MAGI2: variants seen among roughly 807,000 people sequenced by gnomAD.
MAGI2 encodes the protein membrane associated guanylate kinase, WW and PDZ domain containing 2.
Under a neutral mutation model 133.3 loss-of-function variants are expected in MAGI2, and 35 were observed. The observed-to-expected ratio is 0.26, with a 90% CI of 0.20 to 0.35. The LOEUF is 0.35. MAGI2 is among the 10% of genes least tolerant of loss of function. The pLI is 1.00. For synonymous variants in MAGI2, 729 were observed against 710.6 expected, an observed-to-expected ratio of 1.03 and a Z score of -0.41; for missense variants, 1,636 against 1,863.4, an observed-to-expected ratio of 0.88 and a Z score of 2.25.
intron 3 of MAGI2, chr7:78,615,006 T>C (rs1414379611): frequency 1.3e-5 from 2 of 152,202 alleles, no homozygotes; most frequent in Admixed American, 1.3e-4. Context: ...TGATAAGCAC[T>C]TCCACTGTAA....
intron 1 of MAGI2, among the ~76,000 whole-genome samples, chr7:79,165,561 A>C (rs1261893397): frequency 6.6e-6 from 1 of 152,108 alleles, no homozygotes; most frequent in Non-Finnish European, 1.5e-5. Flanking sequence ...ATAGATAAAA[A>C]AGAAAAATCA....
chr7:78,076,568 C>T lies in MAGI2; in HGVS notation c.3706+2379G>A, dbSNP rs1211863799. ...ATGTTAAGAATTAATGAAATAAGGC[C>T]GGGCGCGGTGGCTCACGCCTGTAAT... On this transcript the variant is annotated intron_variant, in intron 21 of 21. Coordinates refer to ENST00000354212, the MANE Select transcript of MAGI2 (RefSeq NM_012301.4). 5.3e-5 allele frequency among the ~76,000 whole-genome samples: 8 copies of T among 150,856 alleles called. No homozygotes were observed. The South Asian group carries it at 1.3e-3, about 24-fold the overall frequency.
intron 1 of MAGI2, among the ~76,000 whole-genome samples, chr7:79,247,189 T>C (rs1449438604): frequency 6.6e-6 from 1 of 152,026 alleles, no homozygotes; most frequent in Non-Finnish European, 1.5e-5. Context: ...TAATGAGCAA[T>C]AAGAAATCAT....
intron 2 of MAGI2, among the ~76,000 whole-genome samples, chr7:78,999,477 ACT>A (rs1208473264): frequency 3.3e-5 from 5 of 152,212 alleles, no homozygotes; most frequent in Non-Finnish European, 7.3e-5. Context: ...AATGAATGTT[ACT>A]CTGTGACCAG....
intron 2 of MAGI2, among the ~76,000 whole-genome samples, chr7:78,824,679 G>A (rs575780901): frequency 6.6e-6 from 1 of 151,994 alleles, no homozygotes; most frequent in East Asian, 1.9e-4. Flanking sequence ...TTAGACCTTT[G>A]TCAGATGAGT....
chr7:78,497,766 T>G (rs11971321), intron 5 of MAGI2, among the ~76,000 whole-genome samples: 71 of 134,998 alleles, frequency 5.3e-4, no homozygotes, highest in South Asian at 7.2e-4. Flanking sequence ...CTATCTATCT[T>G]TCTATCTTAT....
intron 9 of MAGI2, among the ~76,000 whole-genome samples, chr7:78,332,542 GA>G (rs1211233894): frequency 6.6e-6 from 1 of 152,058 alleles, no homozygotes; most frequent in Admixed American, 6.5e-5. Context: ...ACTAAAAATA[GA>G]AAAAATTAGT....
At chr7:78,866,433 G>A (rs1164304770) in intron 2 of MAGI2, among the ~76,000 whole-genome samples, 1 of 151,996 alleles carries the variant, frequency 6.6e-6, no homozygotes, top group Non-Finnish European at 1.5e-5. Context: ...TATGGGTGGG[G>A]GAGGGAAACA....
chr7:78,610,516 A>G (rs1806324751), intron 3 of MAGI2, among the ~76,000 whole-genome samples: 1 of 152,170 alleles, frequency 6.6e-6, no homozygotes, highest in African/African-American at 2.4e-5. Flanking sequence ...AGTCCTGGGG[A>G]GATGTTAATA....
At chr7:78,279,943 C>A (rs1294955868) in intron 9 of MAGI2, among the ~76,000 whole-genome samples, 1 of 152,126 alleles carries the variant, frequency 6.6e-6, no homozygotes, top group East Asian at 1.9e-4. Context: ...ATCCTCAAAC[C>A]CAGCAGCAAT....
At chr7:78,342,171 G>A (rs967027819) in intron 9 of MAGI2, among the ~76,000 whole-genome samples, 1 of 151,462 alleles carries the variant, frequency 6.6e-6, no homozygotes, top group Non-Finnish European at 1.5e-5. Flanking sequence ...CTTCTCAAAA[G>A]AAGACATTTG....
intron 2 of MAGI2, among the ~76,000 whole-genome samples, chr7:78,800,202 C>G (rs1787948169): frequency 6.6e-6 from 1 of 151,968 alleles, no homozygotes; most frequent in South Asian, 2.1e-4. Context: ...TTGAATTGGT[C>G]CAGGTAGACT....
At chr7:79,311,477 C>T (rs1311891417) in intron 1 of MAGI2, among the ~76,000 whole-genome samples, 2 of 152,064 alleles carry the variant, frequency 1.3e-5, no homozygotes, top group African/African-American at 4.8e-5. Flanking sequence ...GATTCAATAT[C>T]CCCCTCACTT....
At chr7:78,422,743 C>T (rs112558718) in intron 6 of MAGI2, among the ~76,000 whole-genome samples, 4,174 of 152,254 alleles carry the variant, frequency 0.027, 100 homozygotes, top group East Asian at 0.068. Flanking sequence ...AAATTCTGCG[C>T]TCTTGAAAGG....
intron 3 of MAGI2, among the ~76,000 whole-genome samples, chr7:78,620,337 C>A (rs1807591668): frequency 6.6e-6 from 1 of 151,906 alleles, no homozygotes. Flanking sequence ...ATCAATACAT[C>A]AAACTATGCT....
intron 6 of MAGI2, among the ~76,000 whole-genome samples, chr7:78,471,777 T>G (rs577767771): frequency 6.6e-6 from 1 of 151,836 alleles, no homozygotes; most frequent in South Asian, 2.1e-4. Context: ...ATACAAAAAT[T>G]AGCCAGGTAT....
At chr7:78,243,251 ACACACACACACACACACACTCTCT>A (rs1441273405) in intron 10 of MAGI2, among the ~76,000 whole-genome samples, 27 of 40,640 alleles carry the variant, frequency 6.6e-4, no homozygotes, top group East Asian at 3.8e-3. Context: ...ACACACACAC[ACACACACACACACACACACTCTCT>A]CTCTCTCTCT....
intron 2 of MAGI2, among the ~76,000 whole-genome samples, chr7:78,904,686 C>T (rs1166975372): frequency 1.3e-5 from 2 of 151,940 alleles, no homozygotes; most frequent in South Asian, 2.1e-4. Flanking sequence ...TATTTTTAGT[C>T]GAGACCGGGT....
chr7:78,463,756 T>C (rs2885557), intron 6 of MAGI2, among the ~76,000 whole-genome samples: 83,519 of 151,592 alleles, frequency 0.55, 24,161 homozygotes, highest in Middle Eastern at 0.74. Flanking sequence ...ATAAAGACTG[T>C]CATTATTTTT....
Sources: gnomAD v4.1 joint callset for allele counts (sites outside exome capture counted in the v4.1 genomes callset) on GRCh38, gnomAD v4.1.1 for gene constraint, MANE v1.5 for transcripts, NCBI Gene and HGNC (gene_info 2026-07-23, HGNC 2026-07-21) for gene names.